The following LCP2 variants were observed in gnomAD, a reference collection of about 807,000 sequenced individuals.
The protein encoded by LCP2 is lymphocyte cytosolic protein 2.
LCP2 carries 29 observed loss-of-function variants against 74.5 expected under a neutral mutation model. The observed-to-expected ratio is 0.39, with a 90% CI of 0.29 to 0.53. LCP2 has a LOEUF of 0.53. LCP2 is among the 20% of genes least tolerant of loss of function. The pLI is 0.72. For missense variants in LCP2, 604 were observed against 634.6 expected (o/e 0.95, Z 0.52); for synonymous variants, 228 against 229.5 (o/e 0.99, Z 0.06).
In LCP2 at chr5:170,262,689, G is replaced by A. The variant is rs369858728; in HGVS notation, c.872C>T (p.Thr291Met). ...KIQKPPLPPTTERHERSSPLP... is the reference protein window; with the variant it reads ...KIQKPPLPPTMERHERSSPLP... ...GGGGCTGCTCCTTTCATGTCTTTCC[G>A]TGGTCGGTGGTAAAGGAGGCTTTTG... Residue 291 changes from threonine to methionine, a missense_variant, in exon 13 of 21, where the codon ACG (threonine) becomes ATG (methionine). By Grantham distance (81) the Thr-to-Met change is moderately conservative. Coordinates refer to ENST00000046794, the MANE Select transcript of LCP2 (RefSeq NM_005565.5). The A allele has an allele frequency of 4.2e-5, 67 of 1,613,982 alleles. No individual in the cohort carries two copies. The highest frequency in any genetic ancestry group is 1.6e-4 in the Middle Eastern group (1 of 6,062).
intron 7 of LCP2, 185 bp downstream of exon 7, chr5:170,270,534 G>A (rs942180607): frequency 2.2e-5 from 12 of 554,788 alleles, no homozygotes; most frequent in Non-Finnish European, 3.7e-5. Flanking sequence ...TCACAGATGA[G>A]GAAATTGAGG....
At chr5:170,291,538 G>A (rs1762296887) in intron 2 of LCP2, among the ~76,000 whole-genome samples, 1 of 152,212 alleles carries the variant, frequency 6.6e-6, no homozygotes, top group Non-Finnish European at 1.5e-5. Flanking sequence ...AGGACTGATA[G>A]AGGACTGATT....
chr5:170,268,951 A>G (rs1761838723), intron 7 of LCP2, among the ~76,000 whole-genome samples: 1 of 140,806 alleles, frequency 7.1e-6, no homozygotes, highest in East Asian at 2.0e-4. Flanking sequence ...ACACACACAC[A>G]TGCCAAAAAT....
At chr5:170,294,370 A>T (rs1762336689) in intron 1 of LCP2, among the ~76,000 whole-genome samples, 1 of 152,184 alleles carries the variant, frequency 6.6e-6, no homozygotes, top group Non-Finnish European at 1.5e-5. Flanking sequence ...GAGCATTTTT[A>T]AGATCTTGGT....
chr5:170,265,199 G>GGT lies in LCP2; in HGVS notation c.772+1608_772+1609insAC, dbSNP rs537283904. Among the ~76,000 whole-genome samples the GGT allele has an allele frequency of 4.4e-3, 677 of 152,146 alleles. 3 individuals carry two copies. Among genetic ancestry groups the GGT allele is most frequent in the Non-Finnish European group, 6.4e-3 (437 of 68,000 alleles). On this transcript the variant is annotated intron_variant, in intron 10 of 20. Coordinates refer to ENST00000046794, the MANE Select transcript of LCP2 (RefSeq NM_005565.5). The stretch of plus-strand genomic sequence containing the variant: ...AGACGGGGTTTCACCGTGTTAGCCA[G>GGT]GATGGTCTCCATCTCCTGACGTTGT...
At chr5:170,272,757 C>A (rs1293496716) in intron 6 of LCP2, among the ~76,000 whole-genome samples, 3 of 151,384 alleles carry the variant, frequency 2.0e-5, no homozygotes, top group East Asian at 1.9e-4. Context: ...GGACTACAGG[C>A]ACGCACCACC....
At chr5:170,296,910 G>A (rs773215007) in intron 1 of LCP2, among the ~76,000 whole-genome samples, 1 of 152,186 alleles carries the variant, frequency 6.6e-6, no homozygotes, top group African/African-American at 2.4e-5. Flanking sequence ...ACTGCCCCAG[G>A]CGGGAGCTTG....
rs548101620 is a variant in LCP2, at chr5:170,288,275, T to C, written c.142-259A>G. ...GGGTTTTATGTGAAATGCTCTGAGT[T>C]CCAAATGTTGGCAAATAATTTTGAC... On this transcript the variant is annotated intron_variant, in intron 2 of 20. Transcript: ENST00000046794. Among the ~76,000 whole-genome samples the C allele has an allele frequency of 1.5e-3, 229 of 152,056 alleles. 2 individuals are homozygous for C. Among genetic ancestry groups the C allele is most frequent in the African/African-American group, 5.4e-3 (225 of 41,494 alleles).
chr5:170,292,961 T>C (rs1294633033), intron 2 of LCP2, among the ~76,000 whole-genome samples: 1 of 152,226 alleles, frequency 6.6e-6, no homozygotes, highest in Admixed American at 6.5e-5. Context: ...ATTCCACTCA[T>C]GAGTATGTGC....
At position 170,256,631 on chromosome 5, in the gene LCP2, A is replaced by C; in HGVS notation, c.1101-56T>G. 7.7e-7 allele frequency: 1 copy of C among 1,293,002 alleles called. No homozygotes were observed. Among genetic ancestry groups the C allele is most frequent in the Non-Finnish European group, 1.1e-6 (1 of 888,072 alleles). 80.1% of individuals were successfully genotyped at this position (1,293,002 alleles called of 1,614,324 possible). A position where few individuals can be genotyped will look rare whatever the true frequency, so the allele number is the denominator to read the frequency against. On this transcript the variant is annotated intron_variant, in intron 16 of 20. Transcript: ENST00000046794. This position sits in a 1 kb window ranked among gnomAD's most constrained non-coding sequence, Gnocchi z 4.5. ...TTGGATTGGGGTGATGGGGCCAGACAGGGGAGCTGGGTTAGGGAAGCCAGG... is the reference window on the plus strand; with the variant it reads ...TTGGATTGGGGTGATGGGGCCAGACCGGGGAGCTGGGTTAGGGAAGCCAGG...
At chr5:170,273,729 T>A in intron 6 of LCP2, 1 of 155,578 alleles carries the variant, frequency 6.4e-6, no homozygotes, top group Admixed American at 6.3e-5. Context: ...GGTTGTACAA[T>A]CCGTCAGACT....
chr5:170,261,459 G>GTATA (rs112523793), intron 13 of LCP2, among the ~76,000 whole-genome samples: 86,861 of 149,954 alleles, frequency 0.58, 26,127 homozygotes, highest in African/African-American at 0.78. Flanking sequence ...CACACTATAT[G>GTATA]TATATACACA....
chr5:170,296,427 C>A (rs1349409392), intron 1 of LCP2, among the ~76,000 whole-genome samples: 2 of 152,130 alleles, frequency 1.3e-5, no homozygotes, highest in East Asian at 3.8e-4. Flanking sequence ...TGCATAGACC[C>A]CAGGTTTGGC....
rs1335356711 is a variant in LCP2 at position 170,287,962 on chromosome 5, G to A, written c.188+8C>T. 4 of 1,613,438 alleles carry A rather than the reference G, an allele frequency of 2.5e-6. No individual in the cohort carries two copies. The highest frequency in any genetic ancestry group is 3.4e-6 in the Non-Finnish European group (4 of 1,179,394). On this transcript the variant is annotated splice_region_variant and intron_variant, in intron 3 of 20. Coordinates refer to ENST00000046794, the MANE Select transcript of LCP2 (RefSeq NM_005565.5). ...CCAGATCACCCATAGAGTTGGAGGA[G>A]TACTTACGGCACCCGGAGCTTGGGG...
Position 170,248,668 on chromosome 5 carries a change from G to GGAC in LCP2, c.*26_*28dup. 6.3e-7 allele frequency: 1 copy of GGAC among 1,599,468 alleles called. No homozygotes were observed. Among genetic ancestry groups the GGAC allele is most frequent in the African/African-American group, 1.4e-5 (1 of 71,154 alleles). On this transcript the variant is annotated 3_prime_UTR_variant, in exon 21 of 21. Coordinates refer to ENST00000046794, the MANE Select transcript of LCP2 (RefSeq NM_005565.5). ...TCTCGTGTTGGCAACAGAGGCAGGA[G>GGAC]GACGGTTCATTTGCTCGGCTATAAC...
Position 170,281,434 on chromosome 5 carries a change from C to T in LCP2, c.189-5574G>A, listed in dbSNP as rs528801197. On this transcript the variant is annotated intron_variant, in intron 3 of 20. Transcript: ENST00000046794. ...AGCTGGGACTACAGGTGCCTGCCACCACACTCGGCTAATTGTTTTGTATTT... is the reference window on the plus strand; with the variant it reads ...AGCTGGGACTACAGGTGCCTGCCACTACACTCGGCTAATTGTTTTGTATTT... 1.9e-3 allele frequency among the ~76,000 whole-genome samples: 289 copies of T among 152,296 alleles called. 4 individuals carry two copies. The highest frequency in any genetic ancestry group is 6.4e-3 in the African/African-American group (268 of 41,574).
At position 170,262,659 on chromosome 5, in the gene LCP2, G is replaced by C; in HGVS notation, c.902C>G (p.Pro301Arg). 6.2e-7 allele frequency: 1 copy of C among 1,613,734 alleles called. No individual in the cohort carries two copies. Among genetic ancestry groups the C allele is most frequent in the Non-Finnish European group, 8.5e-7 (1 of 1,179,716 alleles). The change falls in exon 13 of 21, where the codon CCA becomes CGA. Residue 301 changes from proline to arginine, a missense_variant. Transcript: ENST00000046794. ...CTTTGGCACAGGTGGCTTCTTCCCT[G>C]GCAGGGGGCTGCTCCTTTCATGTCT... ...TERHERSSPL[P>R]GKKPPVPKHG...
At position 170,256,606 on chromosome 5, in the gene LCP2, T is replaced by G; in HGVS notation, c.1101-31A>C. On this transcript the variant is annotated intron_variant, in intron 16 of 20. Coordinates refer to ENST00000046794, the MANE Select transcript of LCP2 (RefSeq NM_005565.5). The surrounding 1 kb of genome is among the most constrained non-coding windows in gnomAD (Gnocchi z 4.5). ...GAGACAGAAAAAGAACAAAATTTAT[T>G]TGGATTGGGGTGATGGGGCCAGACA... 5 of 1,561,736 alleles carry G rather than the reference T, an allele frequency of 3.2e-6. No individual in the cohort carries two copies. Among genetic ancestry groups the G allele is most frequent in the Non-Finnish European group, 4.4e-6 (5 of 1,132,990 alleles).
At position 170,279,565 on chromosome 5, in the gene LCP2, G is replaced by A. The variant is rs185449341; in HGVS notation, c.189-3705C>T. Among the ~76,000 whole-genome samples the A allele has an allele frequency of 1.7e-3, 254 of 152,308 alleles. 2 individuals carry two copies. The highest frequency in any genetic ancestry group is 6.0e-3 in the African/African-American group (249 of 41,560). On this transcript the variant is annotated intron_variant, in intron 3 of 20. Transcript: ENST00000046794. ...ACCTGTTGCAAACACTGATCACCAG[G>A]CCCAGCCTAGACCTACCTGAACGGA...
Sources: allele counts gnomAD v4.1 joint callset (sites outside exome capture counted in the v4.1 genomes callset), GRCh38; gene constraint gnomAD v4.1.1; non-coding constraint Gnocchi (gnomAD v3.1); transcripts MANE v1.5; gene names NCBI Gene and HGNC (gene_info 2026-07-23, HGNC 2026-07-21).